The following KLHDC8A variants were observed in gnomAD, a reference collection of about 807,000 sequenced individuals.
KLHDC8A encodes the protein kelch domain-containing protein 8A.
Under a neutral mutation model 33.1 loss-of-function variants are expected in KLHDC8A, and 21 were observed. That is an observed-to-expected ratio of 0.64 (90% CI 0.45 to 0.91). The LOEUF is 0.91. Ranked by LOEUF, KLHDC8A falls within the 40% of genes least tolerant of loss-of-function variation. The pLI, the probability that KLHDC8A is intolerant of heterozygous loss-of-function variation, is 0.00. For missense variants in KLHDC8A, 435 were observed against 483.3 expected (o/e 0.90, Z 0.94); for synonymous variants, 173 against 193.5 (o/e 0.89, Z 0.88).
intron 2 of KLHDC8A, among the ~76,000 whole-genome samples, chr1:205,340,817 T>C (rs1484989697): frequency 6.6e-6 from 1 of 152,216 alleles, no homozygotes; most frequent in Non-Finnish European, 1.5e-5. Flanking sequence ...TCCCCAGGCA[T>C]TCACAAACTG....
At chr1:205,338,621 T>A (rs1194352680) in intron 4 of KLHDC8A, 25 bp from the exon 5 acceptor site, 1 of 1,582,230 alleles carries the variant, frequency 6.3e-7, no homozygotes, top group East Asian at 2.2e-5. Context: ...TAATGGTGGG[T>A]TATATAGACA....
At chr1:205,351,233 G>T in intron 1 of KLHDC8A, 2 of 801,158 alleles carry the variant, frequency 2.5e-6, no homozygotes, top group Non-Finnish European at 4.5e-6. Flanking sequence ...CTGTGAGCCC[G>T]CGGAGTATAC....
chr1:205,350,584 A>G (rs1024170570), intron 1 of KLHDC8A, among the ~76,000 whole-genome samples: 1 of 152,142 alleles, frequency 6.6e-6, no homozygotes, highest in Admixed American at 6.5e-5. Context: ...CCACTCAGAC[A>G]CGGCTCTTTA....
At chr1:205,341,207 A>G (rs1662779925) in intron 2 of KLHDC8A, among the ~76,000 whole-genome samples, 1 of 151,692 alleles carries the variant, frequency 6.6e-6, no homozygotes, top group Admixed American at 6.6e-5. Context: ...CCACCCCAGG[A>G]CCTCCCAGGC....
Position 205,339,471 on chromosome 1 carries a change from A to G in KLHDC8A, c.542-62T>C. 2.0e-6 allele frequency: 3 copies of G among 1,516,030 alleles called. No individual in the cohort carries two copies. Among genetic ancestry groups the G allele is most frequent in the Admixed American group, 1.8e-5 (1 of 55,208 alleles). The allele number at this position is 1,516,030 out of a possible 1,614,324, so 93.9% of individuals were successfully genotyped here. A position where few individuals can be genotyped will look rare whatever the true frequency, so the allele number is the denominator to read the frequency against. On this transcript the variant is annotated intron_variant, in intron 3 of 5. Coordinates refer to ENST00000367155, the MANE Select transcript of KLHDC8A (RefSeq NM_018203.3). The surrounding 1 kb of genome is among the most constrained non-coding windows in gnomAD (Gnocchi z 5.1). ...GTTGTCCCTGAGGACAGCGACAGTG[A>G]AAAGGGTTTCCCCTTTTGACAGTTA... is the stretch of plus-strand genomic sequence containing the variant.
chr1:205,355,361 C>T (rs1663236875), intron 1 of KLHDC8A, among the ~76,000 whole-genome samples: 1 of 152,204 alleles, frequency 6.6e-6, no homozygotes, highest in Non-Finnish European at 1.5e-5. Context: ...ATTCATCCTT[C>T]AGGGCTTGGC....
chr1:205,343,319 C>T lies in KLHDC8A; in HGVS notation c.286G>A (p.Val96Ile), dbSNP rs1475046270. 5 of 1,613,662 alleles carry T rather than the reference C, an allele frequency of 3.1e-6. No individual in the cohort carries two copies. The highest frequency in any genetic ancestry group is 2.7e-5 in the African/African-American group (2 of 74,920). ...TCATCGATGTTGTACATCTCCACGA[C>T]CTTCAGGGGCAGCTGATTGGTGCCC... Reference protein sequence around the residue: ...GVGTNQLPLKVVEMYNIDEGK... With the variant: ...GVGTNQLPLKIVEMYNIDEGK... The change falls in exon 2 of 6, where the codon GTC becomes ATC. Residue 96 changes from valine to isoleucine, a missense_variant. By Grantham distance (29) the Val-to-Ile change is conservative. Transcript: ENST00000367155.
In KLHDC8A at chr1:205,339,614, G is replaced by A. The variant is rs2102279844; in HGVS notation, c.541+30C>T. ...GAACTGAGCCAAGGGAAGGAAGGAG[G>A]GTAGGTATAGAACAGTAACCTGTCC... On this transcript the variant is annotated intron_variant, in intron 3 of 5. Coordinates refer to ENST00000367155, the MANE Select transcript of KLHDC8A (RefSeq NM_018203.3). This position sits in a 1 kb window ranked among gnomAD's most constrained non-coding sequence, Gnocchi z 5.1. The A allele has an allele frequency of 6.2e-7, 1 of 1,608,782 alleles. No individual in the cohort carries two copies. Among genetic ancestry groups the A allele is most frequent in the Non-Finnish European group, 8.5e-7 (1 of 1,175,920 alleles).
chr1:205,338,294 G>C (rs1662689677), intron 5 of KLHDC8A, among the ~76,000 whole-genome samples: 1 of 152,204 alleles, frequency 6.6e-6, no homozygotes, highest in Non-Finnish European at 1.5e-5. Context: ...TGTGTAGGAG[G>C]ACAGAAAGGC....
chr1:205,336,529 G>A lies in KLHDC8A; in HGVS notation c.*870C>T, dbSNP rs181468555. On this transcript the variant is annotated 3_prime_UTR_variant, in exon 6 of 6. Coordinates refer to ENST00000367155, the MANE Select transcript of KLHDC8A (RefSeq NM_018203.3). ...GGGTGCTAGAGAAGATAGGAATATA[G>A]ATTTTAATCATTGTGCTGCTGCTAT... is the stretch of plus-strand genomic sequence containing the variant. 16 of 152,760 alleles carry A rather than the reference G, an allele frequency of 1.0e-4. No individual in the cohort carries two copies. The highest frequency in any genetic ancestry group is 3.9e-4 in the African/African-American group (16 of 41,556). 9.5% of individuals were successfully genotyped at this position (152,760 alleles called of 1,614,324 possible). A position where few individuals can be genotyped will look rare whatever the true frequency, so the allele number is the denominator to read the frequency against.
At position 205,356,726 on chromosome 1, in the gene KLHDC8A, C is replaced by T. The variant is rs949888781; in HGVS notation, c.-383G>A. 22 of 385,230 alleles carry T rather than the reference C, an allele frequency of 5.7e-5. No individual in the cohort carries two copies. The highest frequency in any genetic ancestry group is 1.7e-4 in the Admixed American group (6 of 34,486). 23.9% of individuals were successfully genotyped at this position (385,230 alleles called of 1,614,324 possible). A position where few individuals can be genotyped will look rare whatever the true frequency, so the allele number is the denominator to read the frequency against. On this transcript the variant is annotated 5_prime_UTR_variant, in exon 1 of 6. Coordinates refer to ENST00000367155, the MANE Select transcript of KLHDC8A (RefSeq NM_018203.3). ...ATGAGTCCACTGCTGCTGCCTCTGG[C>T]TGATCGACTGGGATGCAGCCAGGCC...
rs1662967748 is a variant in KLHDC8A, at chr1:205,347,056, C to A, written c.-189-3263G>T. ...CAACAGGATGTCTTCCAGACCATGA[C>A]CTAATTGCTTGTTCTGGAAGTCCTG... On this transcript the variant is annotated intron_variant, in intron 1 of 5. Coordinates refer to ENST00000367155, the MANE Select transcript of KLHDC8A (RefSeq NM_018203.3). 3.9e-5 allele frequency among the ~76,000 whole-genome samples: 6 copies of A among 152,304 alleles called. No individual in the cohort carries two copies. In the South Asian group the frequency reaches 1.2e-3, roughly 32 times the overall value.
chr1:205,352,456 G>C (rs1254102794), intron 1 of KLHDC8A, among the ~76,000 whole-genome samples: 2 of 152,150 alleles, frequency 1.3e-5, no homozygotes, highest in African/African-American at 4.8e-5. Flanking sequence ...GGAGGGGGTG[G>C]GGACTGGAGC....
At chr1:205,344,820 T>A (rs936162659) in intron 1 of KLHDC8A, among the ~76,000 whole-genome samples, 1 of 151,030 alleles carries the variant, frequency 6.6e-6, no homozygotes, top group Admixed American at 6.6e-5. Context: ...ACAGAGACAC[T>A]GACCAGTGAT....
chr1:205,340,002 T>A, intron 2 of KLHDC8A, 194 bp from the exon 3 acceptor site: 1 of 400,956 alleles, frequency 2.5e-6, no homozygotes. Context: ...GAGAGTCTGT[T>A]TCTTTTTTTT....
At chr1:205,338,678 T>A (rs1339980985) in intron 4 of KLHDC8A, 82 bp from the exon 5 acceptor site, 1 of 1,103,894 alleles carries the variant, frequency 9.1e-7, no homozygotes, top group East Asian at 2.4e-5. Context: ...GTGGCCCAAA[T>A]AGCTTTCACC....
chr1:205,344,927 C>T lies in KLHDC8A; in HGVS notation c.-189-1134G>A, dbSNP rs192943620. Among the ~76,000 whole-genome samples the T allele has an allele frequency of 3.1e-3, 466 of 152,248 alleles. 1 individual carries two copies. Among genetic ancestry groups the T allele is most frequent in the African/African-American group, 0.011 (438 of 41,524 alleles). ...GCCACACACATGCACAACCCACCACCGCCACCATCACCCTTCACGAGCTTC... is the reference window on the plus strand; with the variant it reads ...GCCACACACATGCACAACCCACCACTGCCACCATCACCCTTCACGAGCTTC... On this transcript the variant is annotated intron_variant, in intron 1 of 5. Transcript: ENST00000367155.
chr1:205,354,772 T>C (rs562072062), intron 1 of KLHDC8A, among the ~76,000 whole-genome samples: 74 of 152,348 alleles, frequency 4.9e-4, no homozygotes, highest in African/African-American at 1.7e-3. Context: ...AGGGAATGAA[T>C]GAATGAATGG....
At position 205,338,581 on chromosome 1, in the gene KLHDC8A, A is replaced by C; in HGVS notation, c.773T>G (p.Met258Arg). The C allele has an allele frequency of 6.2e-7, 1 of 1,614,158 alleles. No individual in the cohort carries two copies. The highest frequency in any genetic ancestry group is 1.1e-5 in the South Asian group (1 of 91,082). ...CTTCTTGAGGAAGAACGATCGTTCCATCTTCAGCCATCCCCCTATAGGCCA... is the reference window on the plus strand; with the variant it reads ...CTTCTTGAGGAAGAACGATCGTTCCCTCTTCAGCCATCCCCCTATAGGCCA... ...FDMEQGGWLK[M>R]ERSFFLKKRR... The change falls in exon 5 of 6, where the codon ATG (methionine) becomes AGG (arginine). Residue 258 changes from methionine (M) to arginine (R), a missense_variant. Coordinates refer to ENST00000367155, the MANE Select transcript of KLHDC8A (RefSeq NM_018203.3).
Sources: allele counts gnomAD v4.1 joint callset (sites outside exome capture counted in the v4.1 genomes callset), GRCh38; gene constraint gnomAD v4.1.1; non-coding constraint Gnocchi (gnomAD v3.1); transcripts MANE v1.5; gene names NCBI Gene and HGNC (gene_info 2026-07-23, HGNC 2026-07-21).